Variants in CRTAC1 observed in about 807,000 individuals in gnomAD.
The protein encoded by CRTAC1 is cartilage acidic protein 1, also known as acidic secreted protein in cartilage.
CRTAC1 carries 37 observed loss-of-function variants against 67.8 expected under a neutral mutation model. That is an observed-to-expected ratio of 0.55 (90% confidence interval 0.42 to 0.72). The LOEUF is 0.72. Ranked by LOEUF, CRTAC1 falls within the 30% of genes least tolerant of loss-of-function variation. The pLI is 0.00. For missense variants in CRTAC1, 780 were observed against 931.6 expected (o/e 0.84, Z 2.12); for synonymous variants, 348 against 371.0 (o/e 0.94, Z 0.71).
chr10:98,000,430 G>A (rs1417277505), intron 2 of CRTAC1, among the ~76,000 whole-genome samples: 1 of 152,218 alleles, frequency 6.6e-6, no homozygotes, highest in Non-Finnish European at 1.5e-5. Context: ...GCAGAGAGCA[G>A]GCACCCATGC....
At chr10:97,958,568 TAC>T (rs2051476785) in intron 2 of CRTAC1, among the ~76,000 whole-genome samples, 1 of 152,172 alleles carries the variant, frequency 6.6e-6, no homozygotes, top group Admixed American at 6.5e-5. Flanking sequence ...GTTAATTTGT[TAC>T]AGTGATGACC....
intron 14 of CRTAC1, chr10:97,878,471 TTTTAAA>T: frequency 1.7e-6 from 1 of 598,598 alleles, no homozygotes. Flanking sequence ...TTGAATATGT[TTTTAAA>T]AGGGTTGCTG....
At chr10:97,906,391 A>G (rs775579343) in intron 6 of CRTAC1, among the ~76,000 whole-genome samples, 5 of 152,134 alleles carry the variant, frequency 3.3e-5, no homozygotes, top group Admixed American at 6.5e-5. Flanking sequence ...GCCAGGCTGC[A>G]TTTCACAGCA....
At chr10:97,909,987 T>G (rs965396365) in intron 5 of CRTAC1, among the ~76,000 whole-genome samples, 1 of 151,818 alleles carries the variant, frequency 6.6e-6, no homozygotes, top group Admixed American at 6.6e-5. Flanking sequence ...CTCACTTATA[T>G]GTGGAATCTA....
chr10:97,878,723 C>A, intron 14 of CRTAC1: 1 of 1,302,638 alleles, frequency 7.7e-7, no homozygotes, highest in Non-Finnish European at 1.0e-6. Context: ...TGAGCCAGGC[C>A]TATGTCCAGC....
At chr10:98,002,761 C>CTGTTTTTTTTTTTTT (rs771351655) in intron 2 of CRTAC1, among the ~76,000 whole-genome samples, 9 of 37,296 alleles carry the variant, frequency 2.4e-4, no homozygotes, top group African/African-American at 6.4e-4. Context: ...ACAAAACTCA[C>CTGTTTTTTTTTTTTT]TTTTTTTTTT....
At chr10:98,011,035 G>T (rs567997534) in intron 2 of CRTAC1, 103 bp downstream of exon 2, 2 of 988,080 alleles carry the variant, frequency 2.0e-6, no homozygotes, top group East Asian at 2.5e-5. Flanking sequence ...CTATGAGTGA[G>T]AACGTATGTT....
chr10:97,957,307 G>A (rs907423087), intron 2 of CRTAC1, among the ~76,000 whole-genome samples: 3 of 152,258 alleles, frequency 2.0e-5, no homozygotes, highest in African/African-American at 4.8e-5. Flanking sequence ...GGGAATGAGT[G>A]ATGATAAAAG....
chr10:97,925,110 C>T (rs924143213), intron 3 of CRTAC1, among the ~76,000 whole-genome samples: 5 of 152,086 alleles, frequency 3.3e-5, no homozygotes, highest in African/African-American at 1.2e-4. Flanking sequence ...TACAAACCCT[C>T]CCCCTCAAAA....
intron 1 of CRTAC1, among the ~76,000 whole-genome samples, chr10:98,022,457 C>A (rs557999449): frequency 6.6e-6 from 1 of 151,900 alleles, no homozygotes; most frequent in Admixed American, 6.6e-5. Flanking sequence ...TAACTAGGGA[C>A]GTGGTGGGAA....
At chr10:98,002,922 G>T (rs578127368) in intron 2 of CRTAC1, among the ~76,000 whole-genome samples, 2 of 150,862 alleles carry the variant, frequency 1.3e-5, no homozygotes, top group South Asian at 4.2e-4. Context: ...GGGACTACAG[G>T]CGCCCGCCAC....
chr10:97,868,896 G>A (rs1320974240), intron 14 of CRTAC1: 1 of 150,750 alleles, frequency 6.6e-6, no homozygotes, highest in Non-Finnish European at 1.5e-5. Flanking sequence ...CTTCCTATGT[G>A]CCAGGCACTA....
chr10:97,894,670 T>C (rs1214564024), intron 11 of CRTAC1, among the ~76,000 whole-genome samples: 1 of 131,510 alleles, frequency 7.6e-6, no homozygotes, highest in Non-Finnish European at 1.6e-5. Flanking sequence ...AGTATTAGGA[T>C]TATAGGCATG....
intron 2 of CRTAC1, among the ~76,000 whole-genome samples, chr10:97,981,726 A>G (rs2051895079): frequency 6.6e-6 from 1 of 152,138 alleles, no homozygotes; most frequent in Non-Finnish European, 1.5e-5. Context: ...TTTCTTCCCA[A>G]ATTTTTGAAC....
intron 5 of CRTAC1, among the ~76,000 whole-genome samples, chr10:97,910,002 A>T (rs1202960380): frequency 1.3e-5 from 2 of 151,774 alleles, no homozygotes; most frequent in African/African-American, 4.8e-5. Context: ...AATCTAAAAA[A>T]GTTGAACTCA....
intron 1 of CRTAC1, among the ~76,000 whole-genome samples, chr10:98,028,928 C>T (rs549159221): frequency 6.6e-6 from 1 of 152,118 alleles, no homozygotes; most frequent in Non-Finnish European, 1.5e-5. Context: ...CCCTACACAC[C>T]GTTTCGACCT....
In CRTAC1 at chr10:98,011,306, A is replaced by G. The variant is rs1444863353; in HGVS notation, c.56T>C (p.Leu19Pro). ...MSRMLPFLLL[L>P]WFLPITEGSQ... The stretch of plus-strand genomic sequence containing the variant: ...CCCCTCAGTGATGGGCAGAAACCAG[A>G]GCAGCAGCAGGAACGGTAACATCCT... The change falls in exon 2 of 15, where the codon CTC (leucine) becomes CCC (proline). Residue 19 changes from leucine (L) to proline (P), a missense_variant. Transcript: ENST00000370597. The G allele has an allele frequency of 6.2e-7, 1 of 1,614,138 alleles. No individual in the cohort carries two copies. Among genetic ancestry groups the G allele is most frequent in the Non-Finnish European group, 8.5e-7 (1 of 1,180,022 alleles).
chr10:98,014,037 G>A (rs1564935805), intron 1 of CRTAC1, among the ~76,000 whole-genome samples: 1 of 152,240 alleles, frequency 6.6e-6, no homozygotes, highest in Admixed American at 6.5e-5. Context: ...TGAAAAGTCA[G>A]GGATAAGCAG....
intron 2 of CRTAC1, among the ~76,000 whole-genome samples, chr10:98,008,532 G>C (rs1842842865): frequency 2.0e-5 from 3 of 152,120 alleles, no homozygotes; most frequent in Admixed American, 1.3e-4. Flanking sequence ...GCAGGGGCTG[G>C]GGGAGGAGTG....
Sources: allele counts gnomAD v4.1 joint callset (sites outside exome capture counted in the v4.1 genomes callset), GRCh38; gene constraint gnomAD v4.1.1; transcripts MANE v1.5; gene names NCBI Gene and HGNC (gene_info 2026-07-23, HGNC 2026-07-21).